The following PRRC1 variants were observed in gnomAD, a reference collection of about 807,000 sequenced individuals.
PRRC1 encodes protein PRRC1.
Under a neutral mutation model 40.7 loss-of-function variants are expected in PRRC1, and 39 were observed. That is an observed-to-expected ratio of 0.96 (90% CI 0.74 to 1.25). PRRC1 has a LOEUF of 1.25. PRRC1 is among the 50% of genes most tolerant of loss of function. PRRC1 has a pLI of 0.00. For synonymous variants in PRRC1, 175 were observed against 193.3 expected, an observed-to-expected ratio of 0.91 and a Z score of 0.79; for missense variants, 573 against 548.3, an observed-to-expected ratio of 1.05 and a Z score of -0.45.
At chr5:127,547,785 T>C (rs965403796) in intron 7 of PRRC1, 34 bp from the exon 8 acceptor site, 3 of 1,442,316 alleles carry the variant, frequency 2.1e-6, no homozygotes, top group Non-Finnish European at 2.9e-6. Context: ...TTATTTGGCA[T>C]ATAAACCATT....
At chr5:127,547,658 CTGT>C (rs1768264621) in intron 7 of PRRC1, among the ~76,000 whole-genome samples, 158 bp from the exon 8 acceptor site, 1 of 151,510 alleles carries the variant, frequency 6.6e-6, no homozygotes, top group Non-Finnish European at 1.5e-5. Context: ...GTAATTTTAT[CTGT>C]TGTTTTTATG....
chr5:127,547,156 T>A (rs149718882), intron 7 of PRRC1, among the ~76,000 whole-genome samples: 3 of 152,248 alleles, frequency 2.0e-5, no homozygotes, highest in African/African-American at 7.2e-5. Flanking sequence ...TTTCATGATT[T>A]GGGTTAGCTA....
At chr5:127,530,225 T>G in intron 4 of PRRC1, 69 bp from the exon 5 acceptor site, 1 of 1,412,866 alleles carries the variant, frequency 7.1e-7, no homozygotes, top group Non-Finnish European at 9.8e-7. Flanking sequence ...AAAGTTTTCT[T>G]CACAATCATG....
Position 127,553,802 on chromosome 5 carries a change from T to G in PRRC1, c.*1886T>G, listed in dbSNP as rs907559895. On this transcript the variant is annotated 3_prime_UTR_variant, in exon 9 of 9. Transcript: ENST00000296666. ...AAATACTGACATTTCATTAGATGAT[T>G]ATTTTCCTAGAATCCCCAAAGAGCA... The G allele has an allele frequency of 6.5e-7, 1 of 1,535,554 alleles. No homozygotes were observed. The highest frequency in any genetic ancestry group is 1.2e-5 in the South Asian group (1 of 84,018).
At chr5:127,544,626 A>T (rs1484651671) in intron 7 of PRRC1, among the ~76,000 whole-genome samples, 1 of 152,112 alleles carries the variant, frequency 6.6e-6, no homozygotes, top group African/African-American at 2.4e-5. Flanking sequence ...TTGCAGTTTG[A>T]TCTCAGGCTG....
chr5:127,535,644 A>G (rs1286174309), intron 6 of PRRC1, among the ~76,000 whole-genome samples: 4 of 152,204 alleles, frequency 2.6e-5, no homozygotes, highest in Non-Finnish European at 5.9e-5. Context: ...ACATTTTCAT[A>G]TATGACATTC....
rs1768428040 is a variant in PRRC1 at position 127,552,838 on chromosome 5, G to T, written c.*922G>T. 1.0e-6 allele frequency: 1 copy of T among 984,776 alleles called. No individual in the cohort carries two copies. The highest frequency in any genetic ancestry group is 1.2e-6 in the Non-Finnish European group (1 of 829,076). The allele number at this position is 984,776 out of a possible 1,614,324, so 61.0% of individuals were successfully genotyped here. ...TAGTATGTCTCTTACTTCAATTAAGGTTACTTATTTGGTTTGCCTTAAGCA... is the reference window on the plus strand; with the variant it reads ...TAGTATGTCTCTTACTTCAATTAAGTTTACTTATTTGGTTTGCCTTAAGCA... On this transcript the variant is annotated 3_prime_UTR_variant, in exon 9 of 9. Transcript: ENST00000296666.
At chr5:127,540,346 A>G (rs780830377) in intron 7 of PRRC1, among the ~76,000 whole-genome samples, 24 of 152,064 alleles carry the variant, frequency 1.6e-4, no homozygotes, top group African/African-American at 5.3e-4. Context: ...TTTTAATACT[A>G]TTCACTCCCT....
chr5:127,521,620 C>T (rs545530086), intron 1 of PRRC1, among the ~76,000 whole-genome samples: 4 of 152,198 alleles, frequency 2.6e-5, no homozygotes, highest in African/African-American at 4.8e-5. Flanking sequence ...TTTGTGGCAC[C>T]GAAAATTTAT....
chr5:127,532,582 A>G (rs1420331805), intron 5 of PRRC1, among the ~76,000 whole-genome samples: 2 of 152,130 alleles, frequency 1.3e-5, no homozygotes, highest in African/African-American at 4.8e-5. Context: ...GATGTGTCCC[A>G]TGTGGAGGAA....
At chr5:127,519,433 C>A (rs1483049325) in intron 1 of PRRC1, among the ~76,000 whole-genome samples, 1 of 152,176 alleles carries the variant, frequency 6.6e-6, no homozygotes, top group Non-Finnish European at 1.5e-5. Flanking sequence ...GAATCTTTCT[C>A]CACTCTTTAT....
At chr5:127,538,632 C>G (rs187369188) in intron 6 of PRRC1, among the ~76,000 whole-genome samples, 1 of 152,010 alleles carries the variant, frequency 6.6e-6, no homozygotes, top group East Asian at 1.9e-4. Flanking sequence ...TGATTGCCTA[C>G]CTGAAAAATT....
intron 8 of PRRC1, 108 bp from the exon 9 acceptor site, chr5:127,551,599 A>G: frequency 8.5e-7 from 1 of 1,173,260 alleles, no homozygotes. Context: ...AGAGTTTGTC[A>G]TAATCTATAT....
intron 8 of PRRC1, 37 bp from the exon 9 acceptor site, chr5:127,551,670 A>C (rs1193448906): frequency 6.3e-7 from 1 of 1,581,574 alleles, no homozygotes; most frequent in Non-Finnish European, 8.7e-7. Context: ...ATATTTTTAA[A>C]TGTATTATAA....
At chr5:127,524,244 G>C (rs574367259) in intron 2 of PRRC1, 6 of 285,718 alleles carry the variant, frequency 2.1e-5, no homozygotes, top group African/African-American at 1.3e-4. Context: ...GCTCAAACTA[G>C]GGATGAAAAA....
rs762840421 is a variant in PRRC1, at chr5:127,526,798, T to A, written c.654+20T>A. On this transcript the variant is annotated intron_variant, in intron 4 of 8. Transcript: ENST00000296666. Reference sequence around the variant, plus strand: ...ATTAAGGTAAGACGTGTTTAAAAATTATGTTTAATTTTCTAATTATAAAAC... The same window carrying A: ...ATTAAGGTAAGACGTGTTTAAAAATAATGTTTAATTTTCTAATTATAAAAC... 8 of 1,531,544 alleles carry A rather than the reference T, an allele frequency of 5.2e-6. No homozygotes were observed. The highest frequency in any genetic ancestry group is 7.0e-6 in the Non-Finnish European group (8 of 1,137,532). The allele number at this position is 1,531,544 out of a possible 1,614,324, so 94.9% of individuals were successfully genotyped here.
rs1561690511 is a variant in PRRC1, at chr5:127,551,849, T to A, written c.1271T>A (p.Met424Lys). 1.2e-6 allele frequency: 2 copies of A among 1,614,088 alleles called. No individual in the cohort carries two copies. The highest frequency in any genetic ancestry group is 2.2e-5 in the South Asian group (2 of 91,074). The change falls in exon 9 of 9, where the codon ATG becomes AAG. Residue 424 changes from methionine (M) to lysine (K), a missense_variant. Met to Lys is a moderately conservative substitution (Grantham distance 95, BLOSUM62 -1). Transcript: ENST00000296666. Reference protein sequence around the residue: ...MAFTGMSRRQMIYSAARAIAG... With the variant: ...MAFTGMSRRQKIYSAARAIAG... ...TTTACTGGGATGTCCCGTCGGCAGA[T>A]GATCTACAGTGCAGCCAGAGCGATA... is the stretch of plus-strand genomic sequence containing the variant.
chr5:127,523,539 A>G lies in PRRC1; in HGVS notation c.60A>G (p.Ala20=), dbSNP rs191902903. ...CTGGGACTCCTCCACCAAATCCTGC[A>G]GGGCTGGCTGCTACTGCTATGTCTT... The part of the protein sequence containing the change: ...TPPGTPPPNP[A]GLAATAMSST... Residue 20 remains alanine, a synonymous_variant, in exon 2 of 9, where the codon GCA becomes GCG. Coordinates refer to ENST00000296666, the MANE Select transcript of PRRC1 (RefSeq NM_130809.5). 8 of 1,613,216 alleles carry G rather than the reference A, an allele frequency of 5.0e-6. No homozygotes were observed. The highest frequency in any genetic ancestry group is 1.7e-4 in the Middle Eastern group (1 of 6,060).
intron 1 of PRRC1, among the ~76,000 whole-genome samples, chr5:127,520,904 T>G (rs1767441833): frequency 6.6e-6 from 1 of 152,240 alleles, no homozygotes. Context: ...ATGCTGTTAC[T>G]GAGAGAAGCT....
Sources: gnomAD v4.1 joint callset for allele counts (sites outside exome capture counted in the v4.1 genomes callset) on GRCh38, gnomAD v4.1.1 for gene constraint, MANE v1.5 for transcripts, NCBI Gene and HGNC (gene_info 2026-07-23, HGNC 2026-07-21) for gene names.